The following MYOF variants were observed in gnomAD, a reference collection of about 807,000 sequenced individuals.
MYOF encodes myoferlin, also known as fer-1-like 3, myoferlin.
In MYOF, 244 loss-of-function variants were observed where a neutral mutation model predicts 284.2. That is an observed-to-expected ratio of 0.86 (90% CI 0.77 to 0.95). MYOF has a LOEUF of 0.95. MYOF is among the 40% of genes least tolerant of loss of function. The pLI is 0.00. For missense variants in MYOF, 2,496 were observed against 2,560.6 expected (o/e 0.97, Z 0.54); for synonymous variants, 904 against 919.7 (o/e 0.98, Z 0.31).
At chr10:93,340,285 C>T (rs1843837386) in intron 38 of MYOF, 121 bp from the exon 39 acceptor site, 2 of 944,552 alleles carry the variant, frequency 2.1e-6, no homozygotes, top group Non-Finnish European at 3.3e-6. Context: ...TCATGCATGC[C>T]TTATATTATC....
At chr10:93,404,257 G>A (rs1267548088) in intron 7 of MYOF, 38 bp from the exon 8 acceptor site, 2 of 1,604,486 alleles carry the variant, frequency 1.2e-6, no homozygotes, top group Non-Finnish European at 1.7e-6. Context: ...AATGTTAACA[G>A]GGGATTCGGG....
At chr10:93,334,635 G>A (rs1263879719) in intron 41 of MYOF, among the ~76,000 whole-genome samples, 1 of 152,182 alleles carries the variant, frequency 6.6e-6, no homozygotes, top group African/African-American at 2.4e-5. Context: ...AACAAGACCT[G>A]CTGGAGAGGC....
chr10:93,319,724 G>C, intron 49 of MYOF, 148 bp downstream of exon 49: 1 of 1,058,466 alleles, frequency 9.4e-7, no homozygotes, highest in East Asian at 2.5e-5. Flanking sequence ...CCTTGGACAA[G>C]TGTCAAGGTG....
At position 93,402,900 on chromosome 10, in the gene MYOF, C is replaced by T. The variant is rs540553708; in HGVS notation, c.844-10G>A. The T allele has an allele frequency of 6.2e-7, 1 of 1,609,486 alleles. No individual in the cohort carries two copies. Among genetic ancestry groups the T allele is most frequent in the East Asian group, 2.2e-5 (1 of 44,776 alleles). ...CAAATCCAACATCAATCTGGGAAAA[C>T]AATAATCGAAAGTAGTCTAAGTAGA... On this transcript the variant is annotated splice_polypyrimidine_tract_variant and intron_variant, in intron 9 of 53. Coordinates refer to ENST00000359263, the MANE Select transcript of MYOF (RefSeq NM_013451.4).
chr10:93,368,047 G>C (rs1283831538), intron 25 of MYOF, among the ~76,000 whole-genome samples: 1 of 150,332 alleles, frequency 6.7e-6, no homozygotes, highest in Non-Finnish European at 1.5e-5. Flanking sequence ...CCCTGGGCTG[G>C]TCGATCATTG....
chr10:93,333,436 C>G (rs1843432106), intron 42 of MYOF, 124 bp from the exon 43 acceptor site: 1 of 881,356 alleles, frequency 1.1e-6, no homozygotes. Flanking sequence ...CGCCATGGCA[C>G]CCCGTGCCTA....
intron 16 of MYOF, among the ~76,000 whole-genome samples, chr10:93,394,448 C>CTT (rs33970988): frequency 0.02 from 560 of 28,664 alleles, 210 homozygotes; most frequent in Admixed American, 0.05. Flanking sequence ...ACCATCTTGT[C>CTT]TTTTTTTTTT....
At chr10:93,436,898 C>G (rs187418935) in intron 3 of MYOF, among the ~76,000 whole-genome samples, 1 of 152,296 alleles carries the variant, frequency 6.6e-6, no homozygotes, top group East Asian at 1.9e-4. Flanking sequence ...GGAAGCCTTG[C>G]TCTATATTTT....
intron 4 of MYOF, among the ~76,000 whole-genome samples, chr10:93,430,399 T>C (rs777712634): frequency 1.5e-4 from 23 of 151,552 alleles, no homozygotes; most frequent in Non-Finnish European, 2.9e-4. Flanking sequence ...CTAACCAATA[T>C]GGTGAAACTC....
At position 93,366,549 on chromosome 10, in the gene MYOF, T is replaced by A; in HGVS notation, c.2596A>T (p.Asn866Tyr). ...CATTTTCCAAACATGAGAGCTTGAT[T>A]TTCATACTATTAAAAAAGAGATAAA... is the stretch of plus-strand genomic sequence containing the variant. Reference protein sequence around the residue: ...TFTVFAEMYENQALMFGKWGT... With the variant: ...TFTVFAEMYEYQALMFGKWGT... The change falls in exon 26 of 54, where the codon AAT (asparagine) becomes TAT (tyrosine). Residue 866 changes from asparagine to tyrosine, a missense_variant. By Grantham distance (143) the Asn-to-Tyr change is moderately radical. Transcript: ENST00000359263. The A allele has an allele frequency of 6.2e-7, 1 of 1,600,982 alleles. No homozygotes were observed. The highest frequency in any genetic ancestry group is 1.1e-5 in the South Asian group (1 of 88,840).
At chr10:93,406,569 C>CT (rs199534447) in intron 7 of MYOF, among the ~76,000 whole-genome samples, 2 of 93,666 alleles carry the variant, frequency 2.1e-5, no homozygotes, top group Admixed American at 2.6e-4. Flanking sequence ...CTCCTCCCCA[C>CT]CCATCCAGTC....
chr10:93,430,581 C>CAAAAAAAAAAAAAAAAAA (rs747001393), intron 4 of MYOF, among the ~76,000 whole-genome samples: 1 of 86,188 alleles, frequency 1.2e-5, no homozygotes, highest in Non-Finnish European at 2.4e-5. Flanking sequence ...GACTCCATCT[C>CAAAAAAAAAAAAAAAAAA]AAAAAAAAAA....
chr10:93,386,518 G>A (rs933362231), intron 19 of MYOF, among the ~76,000 whole-genome samples: 1 of 152,204 alleles, frequency 6.6e-6, no homozygotes, highest in Non-Finnish European at 1.5e-5. Flanking sequence ...TTGCTGCTGT[G>A]GTGATGCTAG....
chr10:93,408,313 C>T (rs1348371297), intron 7 of MYOF, among the ~76,000 whole-genome samples: 1 of 151,984 alleles, frequency 6.6e-6, no homozygotes, highest in African/African-American at 2.4e-5. Flanking sequence ...ACTTTGTTGG[C>T]GGGTGGATCA....
intron 19 of MYOF, among the ~76,000 whole-genome samples, 167 bp downstream of exon 19, chr10:93,387,630 G>A (rs535031577): frequency 6.3e-4 from 96 of 152,216 alleles, no homozygotes; most frequent in African/African-American, 2.2e-3. Context: ...TTTTCAATAG[G>A]GTATTAACAT....
intron 23 of MYOF, among the ~76,000 whole-genome samples, chr10:93,374,260 AT>A (rs1845732982): frequency 6.6e-6 from 1 of 152,190 alleles, no homozygotes; most frequent in Admixed American, 6.5e-5. Flanking sequence ...CCAGTCTATC[AT>A]TCATGGACAT....
intron 45 of MYOF, among the ~76,000 whole-genome samples, chr10:93,327,784 A>G (rs1843119168): frequency 6.6e-6 from 1 of 151,594 alleles, no homozygotes; most frequent in African/African-American, 2.4e-5. Flanking sequence ...TTGAGACAGG[A>G]TCTCACTCTG....
At chr10:93,477,051 G>A (rs766022946) in intron 1 of MYOF, among the ~76,000 whole-genome samples, 3 of 152,186 alleles carry the variant, frequency 2.0e-5, no homozygotes, top group Non-Finnish European at 4.4e-5. Flanking sequence ...TGAATGTAAT[G>A]TTGCCACATT....
At chr10:93,361,697 G>T in intron 27 of MYOF, 140 bp from the exon 28 acceptor site, 1 of 683,738 alleles carries the variant, frequency 1.5e-6, no homozygotes, top group Non-Finnish European at 2.4e-6. Context: ...ATTTCACTCA[G>T]AAAAATCTCT....
Sources: gnomAD v4.1 joint callset for allele counts (sites outside exome capture counted in the v4.1 genomes callset) on GRCh38, gnomAD v4.1.1 for gene constraint, MANE v1.5 for transcripts, NCBI Gene and HGNC (gene_info 2026-07-23, HGNC 2026-07-21) for gene names.